ASAP2: variants seen among roughly 807,000 people sequenced by gnomAD.
ASAP2 encodes the protein ArfGAP with SH3 domain, ankyrin repeat and PH domain 2, also known as arf-GAP with SH3 domain, ANK repeat and PH domain-containing protein 2.
Under a neutral mutation model 131.4 loss-of-function variants are expected in ASAP2, and 45 were observed. The ratio of observed to expected loss-of-function variants is 0.34; its 90% CI spans 0.27 to 0.44. The LOEUF (loss-of-function observed/expected upper bound fraction) is 0.44, where lower values mean the gene tolerates loss of function less well. Ranked by LOEUF, ASAP2 falls within the 20% of genes least tolerant of loss-of-function variation. ASAP2 has a pLI of 1.00. For missense variants in ASAP2, 1,011 were observed against 1,297.0 expected (o/e 0.78, Z 3.39); for synonymous variants, 510 against 503.0 (o/e 1.01, Z -0.19).
chr2:9,233,876 TG>T (rs999094962), intron 1 of ASAP2, among the ~76,000 whole-genome samples: 9 of 151,632 alleles, frequency 5.9e-5, no homozygotes, highest in Non-Finnish European at 1.2e-4. Context: ...TTTGGGAGGC[TG>T]GGGTGGGTGG....
At chr2:9,323,794 T>C (rs76830222) in intron 6 of ASAP2, among the ~76,000 whole-genome samples, 7,878 of 152,220 alleles carry the variant, frequency 0.052, 603 homozygotes, top group African/African-American at 0.17. Flanking sequence ...TCCACTCCAT[T>C]CCACCCGCAG....
intron 9 of ASAP2, among the ~76,000 whole-genome samples, chr2:9,335,854 C>T (rs1255597628): frequency 6.6e-6 from 1 of 152,106 alleles, no homozygotes; most frequent in Non-Finnish European, 1.5e-5. Flanking sequence ...AATCCATTTC[C>T]TTGTTAATAA....
At chr2:9,350,687 C>A in intron 11 of ASAP2, 121 bp from the exon 12 acceptor site, 1 of 758,176 alleles carries the variant, frequency 1.3e-6, no homozygotes. Flanking sequence ...AGTCTGAAGG[C>A]CACCTTTGCA....
intron 12 of ASAP2, among the ~76,000 whole-genome samples, chr2:9,353,086 C>T (rs1416818483): frequency 6.6e-6 from 1 of 152,104 alleles, no homozygotes; most frequent in Non-Finnish European, 1.5e-5. Flanking sequence ...TCACAGGAAA[C>T]CTGGCTGCAG....
At chr2:9,310,517 G>A (rs1275053858) in intron 3 of ASAP2, among the ~76,000 whole-genome samples, 1 of 152,192 alleles carries the variant, frequency 6.6e-6, no homozygotes, top group Non-Finnish European at 1.5e-5. Context: ...TAGCTATGAT[G>A]TAAGAATCCT....
Position 9,388,441 on chromosome 2 carries a change from A to C in ASAP2, c.2278A>C (p.Asn760His). Residue 760 changes from asparagine (N) to histidine (H), a missense_variant, in exon 22 of 28, where the codon AAT becomes CAT. Transcript: ENST00000281419. ...GGCTTTCATGCCCAGCATCTTGCAG[A>C]ATGAGACTTACGGAGCCCTCCTGAG... ...QRAFMPSILQ[N>H]ETYGALLSGS... 4 of 1,614,110 alleles carry C rather than the reference A, an allele frequency of 2.5e-6. No individual in the cohort carries two copies. The highest frequency in any genetic ancestry group is 3.4e-6 in the Non-Finnish European group (4 of 1,180,008).
intron 27 of ASAP2, among the ~76,000 whole-genome samples, 186 bp downstream of exon 27, chr2:9,401,582 C>T (rs750026226): frequency 5.3e-5 from 8 of 152,208 alleles, no homozygotes; most frequent in Non-Finnish European, 8.8e-5. Context: ...CTGAGCAGGC[C>T]TGATTATTCC....
chr2:9,254,236 A>AAAAAATAT (rs1553297024), intron 1 of ASAP2, among the ~76,000 whole-genome samples: 1 of 47,110 alleles, frequency 2.1e-5, no homozygotes, highest in African/African-American at 1.4e-4. Context: ...AAAAAAAAAA[A>AAAAAATAT]ATATATATAT....
At chr2:9,279,208 G>A in intron 1 of ASAP2, 109 bp from the exon 2 acceptor site, 2 of 995,122 alleles carry the variant, frequency 2.0e-6, no homozygotes, top group South Asian at 1.4e-5. Flanking sequence ...CCAGAAACAG[G>A]TGCCTAGGGA....
intron 1 of ASAP2, among the ~76,000 whole-genome samples, chr2:9,224,210 G>A (rs908516326): frequency 1.3e-5 from 2 of 152,126 alleles, no homozygotes; most frequent in Non-Finnish European, 2.9e-5. Flanking sequence ...GACTGGTGCC[G>A]AGCAAGAGGC....
chr2:9,362,027 C>T (rs1278108134), intron 15 of ASAP2, among the ~76,000 whole-genome samples: 1 of 136,254 alleles, frequency 7.3e-6, no homozygotes, highest in Non-Finnish European at 1.6e-5. Context: ...AGAATTATGT[C>T]TGACACACCG....
intron 1 of ASAP2, among the ~76,000 whole-genome samples, chr2:9,243,680 A>G (rs1664141844): frequency 6.6e-6 from 1 of 152,088 alleles, no homozygotes; most frequent in South Asian, 2.1e-4. Context: ...TCTTACCTAG[A>G]TTAAGTTGAG....
rs373693333 is a variant in ASAP2, at chr2:9,342,848, C to T, written c.850-1684C>T. 3.3e-3 allele frequency among the ~76,000 whole-genome samples: 497 copies of T among 152,318 alleles called. 3 individuals are homozygous for T. Among genetic ancestry groups the T allele is most frequent in the African/African-American group, 0.011 (446 of 41,562 alleles). On this transcript the variant is annotated intron_variant, in intron 9 of 27. Coordinates refer to ENST00000281419, the MANE Select transcript of ASAP2 (RefSeq NM_003887.3). ...GGTGCTGACCACGTGACCGTGACCT[C>T]CCTGTGTCTTCTGTGTACTATCCAC...
intron 22 of ASAP2, among the ~76,000 whole-genome samples, chr2:9,388,929 C>T (rs1003221905): frequency 6.6e-6 from 1 of 152,200 alleles, no homozygotes; most frequent in African/African-American, 2.4e-5. Context: ...TTTTATTTCT[C>T]TTCTGCCTTC....
chr2:9,305,681 T>C (rs1572403020), intron 3 of ASAP2, among the ~76,000 whole-genome samples: 1 of 130,062 alleles, frequency 7.7e-6, no homozygotes, highest in Admixed American at 7.7e-5. Context: ...TAGTGGGGTA[T>C]AGATATTGGT....
In ASAP2 at chr2:9,275,736, T is replaced by C. The variant is rs1314462930; in HGVS notation, c.127-3581T>C. 2.6e-5 allele frequency among the ~76,000 whole-genome samples: 4 copies of C among 152,334 alleles called. No homozygotes were observed. The East Asian group carries it at 7.7e-4, about 29-fold the overall frequency. On this transcript the variant is annotated intron_variant, in intron 1 of 27. Transcript: ENST00000281419. ...GCATTTTGGGCTCATCATCCTTTCCTGAGCTGCTTCTTGAGTCCTGTTCTG... is the reference window on the plus strand; with the variant it reads ...GCATTTTGGGCTCATCATCCTTTCCCGAGCTGCTTCTTGAGTCCTGTTCTG...
intron 15 of ASAP2, among the ~76,000 whole-genome samples, chr2:9,365,376 G>C (rs991079796): frequency 6.6e-6 from 1 of 152,202 alleles, no homozygotes; most frequent in Non-Finnish European, 1.5e-5. Flanking sequence ...GGTCAGGGAA[G>C]TCTGGTTTCT....
At chr2:9,239,371 C>A (rs1663779430) in intron 1 of ASAP2, among the ~76,000 whole-genome samples, 1 of 152,140 alleles carries the variant, frequency 6.6e-6, no homozygotes, top group Non-Finnish European at 1.5e-5. Context: ...GTAGTCACTC[C>A]TGTGGGGCTG....
At chr2:9,273,951 T>C (rs957352959) in intron 1 of ASAP2, among the ~76,000 whole-genome samples, 3 of 152,236 alleles carry the variant, frequency 2.0e-5, no homozygotes, top group Non-Finnish European at 4.4e-5. Context: ...GAAAGGGCCA[T>C]TGTCATCTTT....
Sources: gnomAD v4.1 joint callset for allele counts (sites outside exome capture counted in the v4.1 genomes callset) on GRCh38, gnomAD v4.1.1 for gene constraint, MANE v1.5 for transcripts, NCBI Gene and HGNC (gene_info 2026-07-23, HGNC 2026-07-21) for gene names.